The following POC5 variants were observed in gnomAD, a reference collection of about 807,000 sequenced individuals.
The protein encoded by POC5 is POC5 centriolar protein.
In POC5, 48 loss-of-function variants were observed where a neutral mutation model predicts 62.9. The ratio of observed to expected loss-of-function variants is 0.76; its 90% CI spans 0.61 to 0.97. The LOEUF (loss-of-function observed/expected upper bound fraction) is 0.97. Ranked by LOEUF, POC5 falls within the 50% of genes least tolerant of loss-of-function variation. The probability of loss-of-function intolerance (pLI) is 0.00; values close to 1 mark genes in which losing one functional copy is unlikely to be tolerated. For missense variants in POC5, 696 were observed against 679.5 expected, an observed-to-expected ratio of 1.02 and a Z score of -0.27; for synonymous variants, 236 against 228.2, an observed-to-expected ratio of 1.03 and a Z score of -0.31.
intron 7 of POC5, among the ~76,000 whole-genome samples, chr5:75,690,813 G>C (rs749991386): frequency 6.6e-6 from 1 of 152,158 alleles, no homozygotes; most frequent in Non-Finnish European, 1.5e-5. Flanking sequence ...TTACATCATT[G>C]CTTTATGCAA....
At chr5:75,690,859 A>G (rs1236742737) in intron 7 of POC5, among the ~76,000 whole-genome samples, 2 of 152,202 alleles carry the variant, frequency 1.3e-5, no homozygotes, top group African/African-American at 2.4e-5. Flanking sequence ...CAACCAAATG[A>G]AAGAAAATGA....
At chr5:75,701,215 A>T (rs1776863802) in intron 5 of POC5, among the ~76,000 whole-genome samples, 2 of 142,706 alleles carry the variant, frequency 1.4e-5, no homozygotes. Flanking sequence ...CCATCCCATT[A>T]CGGGGTATAT....
intron 1 of POC5, among the ~76,000 whole-genome samples, 191 bp from the exon 2 acceptor site, chr5:75,713,142 A>G (rs947163180): frequency 6.6e-6 from 1 of 152,214 alleles, no homozygotes; most frequent in Non-Finnish European, 1.5e-5. Context: ...CCCAGTCCCA[A>G]TATTAGTGAG....
chr5:75,677,763 T>C lies in POC5; in HGVS notation c.1584+11A>G, dbSNP rs753800315. ...GACTTTTTGACAAAAGGTCATCAAA[T>C]GTGGACTCACCACTGTGACTGGATG... is the stretch of plus-strand genomic sequence containing the variant. On this transcript the variant is annotated intron_variant, in intron 11 of 11. Coordinates refer to ENST00000428202, the MANE Select transcript of POC5 (RefSeq NM_001099271.2). 1.9e-6 allele frequency: 3 copies of C among 1,583,666 alleles called. No individual in the cohort carries two copies. Among genetic ancestry groups the C allele is most frequent in the South Asian group, 2.3e-5 (2 of 86,296 alleles).
chr5:75,676,906 CTTA>C (rs1184217077), intron 11 of POC5, among the ~76,000 whole-genome samples: 11 of 151,892 alleles, frequency 7.2e-5, no homozygotes, highest in African/African-American at 2.4e-4. Context: ...TCTTATCACT[CTTA>C]TTATACTTTT....
intron 10 of POC5, among the ~76,000 whole-genome samples, chr5:75,679,399 T>G (rs1226005680): frequency 6.6e-6 from 1 of 152,164 alleles, no homozygotes; most frequent in African/African-American, 2.4e-5. Context: ...CATCTGTGAT[T>G]CTCCATATAG....
At chr5:75,704,899 G>A (rs1168274468) in intron 4 of POC5, among the ~76,000 whole-genome samples, 1 of 152,176 alleles carries the variant, frequency 6.6e-6, no homozygotes, top group Non-Finnish European at 1.5e-5. Flanking sequence ...GTTCTAGTAT[G>A]CTTTTAAAAG....
At chr5:75,684,823 C>T (rs1776031108) in intron 10 of POC5, among the ~76,000 whole-genome samples, 1 of 150,386 alleles carries the variant, frequency 6.6e-6, no homozygotes, top group South Asian at 2.1e-4. Flanking sequence ...TTTTTTTCTC[C>T]ATAGGAAAAT....
rs772622195 is a variant in POC5, at chr5:75,685,294, A to G, written c.1320T>C (p.Ser440=). 6.8e-6 allele frequency: 11 copies of G among 1,613,938 alleles called. No homozygotes were observed. Among genetic ancestry groups the G allele is most frequent in the South Asian group, 1.1e-5 (1 of 91,096 alleles). ...TAVPSAASMT[S]TRAASASSVH... is the part of the protein sequence containing the mutation. The stretch of plus-strand genomic sequence containing the variant: ...CAGAAGATGCGGAAGCAGCCCTGGT[A>G]GAAGTCATCGAAGCAGCTGAGGGAA... Residue 440 remains serine (S), a synonymous_variant, in exon 10 of 12, where the codon TCT becomes TCC. Transcript: ENST00000428202.
intron 11 of POC5, among the ~76,000 whole-genome samples, chr5:75,676,293 A>G (rs1426132187): frequency 6.6e-6 from 1 of 152,182 alleles, no homozygotes; most frequent in African/African-American, 2.4e-5. Flanking sequence ...ATTTCTTCTC[A>G]TTTTTGATAA....
rs1776215297 is a variant in POC5, at chr5:75,689,160, A to G, written c.981T>C (p.Ser327=). The change falls in exon 9 of 12, where the codon TCT becomes TCC. Residue 327 remains serine (S), a synonymous_variant. Transcript: ENST00000428202. ...NDYEAKVAML[S]GALENAKAEI... is the part of the protein sequence containing the mutation. The stretch of plus-strand genomic sequence containing the variant: ...CAGCTTTTGCATTTTCCAAAGCTCC[A>G]GATAACTAAAATAAGAATGTTTAAA... The G allele has an allele frequency of 6.5e-7, 1 of 1,537,684 alleles. No individual in the cohort carries two copies. The highest frequency in any genetic ancestry group is 1.4e-5 in the African/African-American group (1 of 72,516).
intron 5 of POC5, among the ~76,000 whole-genome samples, chr5:75,700,838 T>A (rs556366741): frequency 1.4e-5 from 2 of 138,996 alleles, no homozygotes; most frequent in Non-Finnish European, 3.2e-5. Flanking sequence ...AGGGCTAATA[T>A]CCAGAATCTA....
chr5:75,717,176 A>C (rs1271049752), intron 1 of POC5, 130 bp downstream of exon 1: 1 of 152,330 alleles, frequency 6.6e-6, no homozygotes, highest in East Asian at 1.9e-4. Context: ...CCGGCACAAC[A>C]GCTGAATCAC....
intron 6 of POC5, among the ~76,000 whole-genome samples, chr5:75,694,395 T>A (rs1246913898): frequency 6.6e-6 from 1 of 152,216 alleles, no homozygotes; most frequent in Non-Finnish European, 1.5e-5. Context: ...TATACATTTA[T>A]GGGTTACAAG....
chr5:75,677,967 A>G lies in POC5; in HGVS notation c.1408-17T>C. 6.7e-7 allele frequency: 1 copy of G among 1,484,374 alleles called. No homozygotes were observed. Among genetic ancestry groups the G allele is most frequent in the Non-Finnish European group, 9.0e-7 (1 of 1,112,938 alleles). The allele number at this position is 1,484,374 out of a possible 1,614,324, so 92.0% of individuals were successfully genotyped here. On this transcript the variant is annotated splice_polypyrimidine_tract_variant and intron_variant, in intron 10 of 11. Transcript: ENST00000428202. ...TGGCACATACTAAGAAGAAAAAAAA[A>G]TAAAAGAAGTAACAAGGTGGCAGAA... is the stretch of plus-strand genomic sequence containing the variant.
rs1302151667 is a variant in POC5 at position 75,700,704 on chromosome 5, C to A, written c.513+1901G>T. Among the ~76,000 whole-genome samples the A allele has an allele frequency of 2.3e-3, 333 of 145,110 alleles. 1 individual carries two copies. In the East Asian group the frequency reaches 0.028, roughly 12 times the overall value. ...ACACCAAAAGCAATGGCAACAAAAG[C>A]CAAAATTGACAAATGGGATCTAATT... is the stretch of plus-strand genomic sequence containing the variant. On this transcript the variant is annotated intron_variant, in intron 5 of 11. Transcript: ENST00000428202.
intron 7 of POC5, among the ~76,000 whole-genome samples, chr5:75,691,268 T>A (rs1392726412): frequency 5.3e-5 from 8 of 152,306 alleles, no homozygotes; most frequent in Non-Finnish European, 1.0e-4. Flanking sequence ...GCTTACTTAA[T>A]GTGGATTTAA....
chr5:75,680,801 T>C (rs971093396), intron 10 of POC5, among the ~76,000 whole-genome samples: 1 of 152,110 alleles, frequency 6.6e-6, no homozygotes, highest in Non-Finnish European at 1.5e-5. Flanking sequence ...ATAGAAAATA[T>C]ATTGGGTGTG....
chr5:75,690,322 G>C, intron 8 of POC5, 61 bp downstream of exon 8: 1 of 1,398,844 alleles, frequency 7.1e-7, no homozygotes, highest in Non-Finnish European at 9.6e-7. Flanking sequence ...TTAATTAATA[G>C]TGAGTCTATC....
Sources: allele counts gnomAD v4.1 joint callset (sites outside exome capture counted in the v4.1 genomes callset), GRCh38; gene constraint gnomAD v4.1.1; transcripts MANE v1.5; gene names NCBI Gene and HGNC (gene_info 2026-07-23, HGNC 2026-07-21).